Variants in WASHC4 observed in about 807,000 individuals in gnomAD.
WASHC4 encodes the protein WASH complex subunit 4, also known as WASH complex subunit 7.
WASHC4 carries 86 observed loss-of-function variants against 166.6 expected under a neutral mutation model. The observed-to-expected ratio is 0.52, with a 90% CI of 0.43 to 0.62. The LOEUF (loss-of-function observed/expected upper bound fraction) is 0.62. Among genes scored for constraint, WASHC4 ranks in the 20% least tolerant of loss-of-function variants. The pLI is 0.00. For missense variants in WASHC4, 1,262 were observed against 1,382.4 expected (o/e 0.91, Z 1.38); for synonymous variants, 446 against 451.6 (o/e 0.99, Z 0.16).
At position 105,165,212 on chromosome 12, in the gene WASHC4, G is replaced by A. The variant is rs1884734559; in HGVS notation, c.3454+472G>A. Among the ~76,000 whole-genome samples the A allele has an allele frequency of 3.9e-5, 6 of 152,186 alleles. No individual in the cohort carries two copies. The South Asian group carries it at 6.2e-4, about 16-fold the overall frequency. On this transcript the variant is annotated intron_variant, in intron 32 of 32. Transcript: ENST00000332180. ...TGCCTTCTTTCATAGTCAGGCCCTG[G>A]AGACTCAGGCAATATAGCCATAATA...
At position 105,126,065 on chromosome 12, in the gene WASHC4, C is replaced by T. The variant is rs1315259090; in HGVS notation, c.848C>T (p.Thr283Ile). Residue 283 changes from threonine to isoleucine, a missense_variant, in exon 11 of 33, where the codon ACT (threonine) becomes ATT (isoleucine). Transcript: ENST00000332180. ...NGGVSVSKNS[T>I]FAEEFAHSIR... ...GGAGTATCTGTGTCAAAAAATAGTA[C>T]TTTTGCTGAGGAATTTGCACATAGT... 2.5e-6 allele frequency: 4 copies of T among 1,612,650 alleles called. No individual in the cohort carries two copies. The Admixed American group carries it at 5.0e-5, about 20-fold the overall frequency.
intron 27 of WASHC4, 49 bp downstream of exon 27, chr12:105,156,841 T>A (rs1224447638): frequency 7.5e-7 from 1 of 1,327,232 alleles, no homozygotes. Flanking sequence ...TTTTAAAAAT[T>A]GTGTCCATTA....
chr12:105,121,336 T>C (rs1880722298), intron 9 of WASHC4, 132 bp downstream of exon 9: 5 of 665,930 alleles, frequency 7.5e-6, no homozygotes, highest in South Asian at 6.7e-5. Flanking sequence ...GGAGCTCATA[T>C]CAAATATTTT....
At position 105,143,209 on chromosome 12, in the gene WASHC4, G is replaced by A; in HGVS notation, c.1976G>A (p.Cys659Tyr). The change falls in exon 20 of 33, where the codon TGC becomes TAC. Residue 659 changes from cysteine (C) to tyrosine (Y), a missense_variant. Transcript: ENST00000332180. ...HLESYEILLD[C>Y]YDKEIMEILN... The stretch of plus-strand genomic sequence containing the variant: ...GAGTCCTATGAGATACTTCTGGATT[G>A]CTATGACAAGGAAATTATGGAAATT... The A allele has an allele frequency of 6.2e-7, 1 of 1,602,490 alleles. No individual in the cohort carries two copies. The highest frequency in any genetic ancestry group is 8.5e-7 in the Non-Finnish European group (1 of 1,169,832).
At chr12:105,163,027 G>C (rs925638042) in intron 30 of WASHC4, among the ~76,000 whole-genome samples, 182 bp downstream of exon 30, 1 of 151,324 alleles carries the variant, frequency 6.6e-6, no homozygotes, top group Non-Finnish European at 1.5e-5. Flanking sequence ...GCAGTGGCAC[G>C]ATCACTGCAA....
intron 10 of WASHC4, 131 bp downstream of exon 10, chr12:105,122,369 ATTG>A (rs150472672): frequency 1.1e-6 from 1 of 880,156 alleles, no homozygotes; most frequent in East Asian, 2.7e-5. Flanking sequence ...GCTTAAAATT[ATTG>A]TTACAGTACT....
In WASHC4 at chr12:105,136,852, G is replaced by A. The variant is rs547522942; in HGVS notation, c.1327-1034G>A. ...TTTTCTTAATTTAGCATGTCTCTTC[G>A]CCACAGAGAAACTTTGTGTGTGGTT... is the stretch of plus-strand genomic sequence containing the variant. On this transcript the variant is annotated intron_variant, in intron 14 of 32. Coordinates refer to ENST00000332180, the MANE Select transcript of WASHC4 (RefSeq NM_015275.3). 2.0e-4 allele frequency among the ~76,000 whole-genome samples: 30 copies of A among 151,910 alleles called. No individual in the cohort carries two copies. The South Asian group carries it at 3.5e-3, about 18-fold the overall frequency.
chr12:105,147,280 G>T (rs1461180336), intron 24 of WASHC4, 134 bp downstream of exon 24: 4 of 677,652 alleles, frequency 5.9e-6, no homozygotes, highest in African/African-American at 5.4e-5. Context: ...TTTTTTTCTG[G>T]TTAGTAATTA....
chr12:105,133,831 T>C lies in WASHC4; in HGVS notation c.1261T>C (p.Ser421Pro). The change falls in exon 14 of 33, where the codon TCT (serine) becomes CCT (proline). Residue 421 changes from serine to proline, a missense_variant. Physicochemically the swap from Ser to Pro is moderately conservative, Grantham distance 74. Coordinates refer to ENST00000332180, the MANE Select transcript of WASHC4 (RefSeq NM_015275.3). ...GATGATGAAAATGGAATCTATTTTG[T>C]CTAAAGAGCAGAGAATGGATAAATT... ...SWMMKMESILSKEQRMDKFAE... is the reference protein window; with the variant it reads ...SWMMKMESILPKEQRMDKFAE... 6.2e-7 allele frequency: 1 copy of C among 1,611,458 alleles called. No homozygotes were observed. Among genetic ancestry groups the C allele is most frequent in the Non-Finnish European group, 8.5e-7 (1 of 1,177,878 alleles).
At chr12:105,124,678 A>C (rs1881108029) in intron 10 of WASHC4, among the ~76,000 whole-genome samples, 1 of 150,528 alleles carries the variant, frequency 6.6e-6, no homozygotes, top group Admixed American at 6.6e-5. Context: ...ACGAGGTTTC[A>C]CCATGTTGGC....
At chr12:105,157,883 G>A (rs752003729) in intron 28 of WASHC4, among the ~76,000 whole-genome samples, 1 of 10,192 alleles carries the variant, frequency 9.8e-5, no homozygotes, top group Non-Finnish European at 1.7e-4. Context: ...TGCAGGACTT[G>A]AGTCAGTTGT....
intron 29 of WASHC4, among the ~76,000 whole-genome samples, chr12:105,161,925 G>A (rs1273195696): frequency 6.6e-6 from 1 of 152,052 alleles, no homozygotes; most frequent in Non-Finnish European, 1.5e-5. Flanking sequence ...AAAATCATAA[G>A]GCAGGGCGAA....
At chr12:105,126,192 A>G (rs771285866) in intron 11 of WASHC4, 43 bp from the exon 12 acceptor site, 5 of 1,612,234 alleles carry the variant, frequency 3.1e-6, no homozygotes, top group Non-Finnish European at 3.4e-6. Flanking sequence ...AGCATAATTG[A>G]AGTATATTTG....
chr12:105,112,470 A>G (rs954188795), intron 2 of WASHC4, among the ~76,000 whole-genome samples: 2 of 152,162 alleles, frequency 1.3e-5, no homozygotes, highest in African/African-American at 4.8e-5. Context: ...TGTGGTAACT[A>G]TGTTTAACTT....
chr12:105,163,264 T>C (rs1014199284), intron 30 of WASHC4, among the ~76,000 whole-genome samples: 2 of 152,144 alleles, frequency 1.3e-5, no homozygotes, highest in Non-Finnish European at 2.9e-5. Flanking sequence ...GGCCTATAGA[T>C]TTGTTTTTCA....
intron 10 of WASHC4, among the ~76,000 whole-genome samples, chr12:105,124,057 A>C (rs981430175): frequency 2.0e-5 from 3 of 151,942 alleles, no homozygotes; most frequent in African/African-American, 7.3e-5. Context: ...TAATTAATAT[A>C]CTTTTTTTTA....
At chr12:105,149,572 TTTATA>T (rs1566022588) in intron 24 of WASHC4, 38 bp from the exon 25 acceptor site, 14 of 1,241,976 alleles carry the variant, frequency 1.1e-5, no homozygotes, top group African/African-American at 1.5e-5. Context: ...TGAATTAATT[TTTATA>T]TTAACTTTTT....
At chr12:105,121,052 TA>T (rs1212913786) in intron 8 of WASHC4, 48 bp from the exon 9 acceptor site, 2 of 1,265,080 alleles carry the variant, frequency 1.6e-6, no homozygotes, top group African/African-American at 2.9e-5. Context: ...ACATGAGGCT[TA>T]ACTTCTAACT....
In WASHC4 at chr12:105,146,420, A is replaced by G. The variant is rs191012448; in HGVS notation, c.2335-32A>G. ...GTTTAACTGATTATTTTAATGAATT[A>G]TAATAAAACTTGTATGTGTATTATG... On this transcript the variant is annotated intron_variant, in intron 22 of 32. Transcript: ENST00000332180. 1.5e-4 allele frequency: 177 copies of G among 1,200,638 alleles called. No homozygotes were observed. The African/African-American group carries it at 2.5e-3, about 17-fold the overall frequency. The allele number at this position is 1,200,638 out of a possible 1,614,324, so 74.4% of individuals were successfully genotyped here. A position where few individuals can be genotyped will look rare whatever the true frequency, so the allele number is the denominator to read the frequency against.
Sources: allele counts gnomAD v4.1 joint callset (sites outside exome capture counted in the v4.1 genomes callset), GRCh38; gene constraint gnomAD v4.1.1; transcripts MANE v1.5; gene names NCBI Gene and HGNC (gene_info 2026-07-23, HGNC 2026-07-21).